KALRN: variants seen among roughly 807,000 people sequenced by gnomAD.
KALRN encodes the protein kalirin.
In KALRN, 70 loss-of-function variants were observed where a neutral mutation model predicts 353.7. The observed-to-expected ratio is 0.20, with a 90% CI of 0.16 to 0.24. KALRN has a LOEUF of 0.24. KALRN is among the 10% of genes least tolerant of loss of function. The probability of loss-of-function intolerance (pLI) is 1.00; values close to 1 mark genes in which losing one functional copy is unlikely to be tolerated. For synonymous variants in KALRN, 1,391 were observed against 1,434.8 expected (o/e 0.97, Z 0.69); for missense variants, 2,791 against 3,756.7 (o/e 0.74, Z 6.72).
intron 25 of KALRN, among the ~76,000 whole-genome samples, chr3:124,469,092 G>A (rs985147801): frequency 3.3e-5 from 5 of 152,202 alleles, no homozygotes; most frequent in Non-Finnish European, 7.3e-5. Context: ...TTAATCTTTT[G>A]TATTTTATTT....
At chr3:124,094,712 C>A in intron 1 of KALRN, 1 of 771,622 alleles carries the variant, frequency 1.3e-6, no homozygotes, top group Non-Finnish European at 2.3e-6. Flanking sequence ...TCTTTGCAGG[C>A]AGGCATTTGC....
intron 33 of KALRN, among the ~76,000 whole-genome samples, chr3:124,547,172 T>C (rs2069781557): frequency 1.3e-5 from 2 of 152,156 alleles, no homozygotes; most frequent in Admixed American, 1.3e-4. Context: ...TTTTATTTAT[T>C]TATTTTTATA....
At chr3:124,324,520 C>T (rs1245648712) in intron 6 of KALRN, among the ~76,000 whole-genome samples, 1 of 152,184 alleles carries the variant, frequency 6.6e-6, no homozygotes, top group Non-Finnish European at 1.5e-5. Flanking sequence ...TAACAAGAAT[C>T]AGTAATGTCC....
At chr3:124,639,383 A>G (rs2081752996) in intron 37 of KALRN, among the ~76,000 whole-genome samples, 1 of 152,106 alleles carries the variant, frequency 6.6e-6, no homozygotes, top group Non-Finnish European at 1.5e-5. Flanking sequence ...TAATGATTTC[A>G]TTTGCGTTTT....
chr3:124,334,432 G>A lies in KALRN; in HGVS notation c.1584G>A (p.Gln528=), dbSNP rs1183403028. 6.2e-7 allele frequency: 1 copy of A among 1,614,148 alleles called. No individual in the cohort carries two copies. The highest frequency in any genetic ancestry group is 8.5e-7 in the Non-Finnish European group (1 of 1,180,004). ...HHQRRLESIW[Q]HRKVRLHQRL... ...AGCGACGGCTGGAGAGCATCTGGCA[G>A]CACCGCAAGGTGCGGCTCCACCAGC... is the stretch of plus-strand genomic sequence containing the variant. Residue 528 remains glutamine (Q), a synonymous_variant, in exon 9 of 60, where the codon CAG becomes CAA. Transcript: ENST00000682506. This position sits in a 1 kb window ranked among gnomAD's most constrained non-coding sequence, Gnocchi z 4.2.
chr3:124,109,806 C>CAT (rs1202300993), intron 1 of KALRN, among the ~76,000 whole-genome samples: 1 of 10,366 alleles, frequency 9.6e-5, no homozygotes, highest in East Asian at 1.2e-3. Flanking sequence ...ATATATATGA[C>CAT]ATATATATCA....
At chr3:124,083,440 C>A (rs943100893) in intron 1 of KALRN, among the ~76,000 whole-genome samples, 1 of 152,042 alleles carries the variant, frequency 6.6e-6, no homozygotes, top group African/African-American at 2.4e-5. Flanking sequence ...AAACAGTGTT[C>A]CAAGCCTAGG....
intron 1 of KALRN, among the ~76,000 whole-genome samples, chr3:124,174,356 C>T (rs1444661325): frequency 6.6e-6 from 1 of 152,098 alleles, no homozygotes; most frequent in African/African-American, 2.4e-5. Flanking sequence ...ATCTCTTGAA[C>T]CCGGGAGGCA....
intron 1 of KALRN, among the ~76,000 whole-genome samples, chr3:124,054,124 AC>A (rs1026972648): frequency 1.3e-5 from 2 of 152,188 alleles, no homozygotes; most frequent in East Asian, 3.9e-4. Context: ...CAACAGGAAA[AC>A]CCTAGGCTGG....
intron 8 of KALRN, among the ~76,000 whole-genome samples, chr3:124,331,623 C>G (rs186750014): frequency 5.4e-5 from 7 of 130,014 alleles, no homozygotes; most frequent in African/African-American, 2.0e-4. Flanking sequence ...CCATATGGCT[C>G]AAAGCTTTCT....
chr3:124,391,385 G>A (rs553083865), intron 11 of KALRN, among the ~76,000 whole-genome samples: 24 of 152,260 alleles, frequency 1.6e-4, no homozygotes, highest in African/African-American at 2.6e-4. Context: ...AAAAACACGC[G>A]TGGTTGCTGC....
chr3:124,298,978 G>C (rs2077057462), intron 6 of KALRN, 65 bp downstream of exon 6: 1 of 1,601,162 alleles, frequency 6.2e-7, no homozygotes, highest in South Asian at 1.1e-5. Context: ...AGTGGGAGGA[G>C]GGACAGAAAC....
Position 124,711,198 on chromosome 3 carries a change from T to A in KALRN, c.8076-1737T>A, listed in dbSNP as rs564151079. ...TAGTACATTATTTTTTTAAAAAAAA[T>A]TTTTAAAGCGAAAGGATCTCACTAT... On this transcript the variant is annotated intron_variant, in intron 57 of 59. Transcript: ENST00000682506. Among the ~76,000 whole-genome samples, 115 of 152,204 alleles carry A rather than the reference T, an allele frequency of 7.6e-4. No individual in the cohort carries two copies. The South Asian group carries it at 0.014, about 18-fold the overall frequency.
rs2086896822 is a variant in KALRN at position 124,674,348 on chromosome 3, C to G, written c.6943-16C>G. On this transcript the variant is annotated splice_polypyrimidine_tract_variant and intron_variant, in intron 48 of 59. Coordinates refer to ENST00000682506, the MANE Select transcript of KALRN (RefSeq NM_001388419.1). ...GTCCTTGTGTTTGTGCCCCTCTCAC[C>G]CTTATCTCCCAGCAGAACGACCTGG... 1 of 1,607,362 alleles carries G rather than the reference C, an allele frequency of 6.2e-7. No homozygotes were observed. The highest frequency in any genetic ancestry group is 8.5e-7 in the Non-Finnish European group (1 of 1,176,080).
intron 13 of KALRN, among the ~76,000 whole-genome samples, chr3:124,401,073 C>T (rs892499038): frequency 1.3e-5 from 2 of 152,102 alleles, no homozygotes; most frequent in Non-Finnish European, 2.9e-5. Flanking sequence ...TTACTAGCAT[C>T]GATTGTAGGC....
chr3:124,436,165 G>C (rs1046748155), intron 17 of KALRN, among the ~76,000 whole-genome samples: 1 of 152,158 alleles, frequency 6.6e-6, no homozygotes, highest in Non-Finnish European at 1.5e-5. Context: ...AACAAATGAG[G>C]CTTAATTCCT....
chr3:124,379,566 C>G (rs1302595811), intron 10 of KALRN, among the ~76,000 whole-genome samples: 2 of 152,184 alleles, frequency 1.3e-5, no homozygotes, highest in Non-Finnish European at 2.9e-5. Context: ...CTAGGCAGGA[C>G]CAGAGCAGTT....
chr3:124,316,548 C>T (rs539368618), intron 6 of KALRN, among the ~76,000 whole-genome samples: 13 of 152,338 alleles, frequency 8.5e-5, no homozygotes, highest in Middle Eastern at 3.4e-3. Context: ...TCCTGCCTCA[C>T]GGCCTTTGCC....
At chr3:124,062,480 C>T (rs1249175931) in intron 1 of KALRN, among the ~76,000 whole-genome samples, 2 of 152,182 alleles carry the variant, frequency 1.3e-5, no homozygotes, top group Non-Finnish European at 2.9e-5. Context: ...CAGACCCACT[C>T]GGGGACATTG....
Sources: allele counts gnomAD v4.1 joint callset (sites outside exome capture counted in the v4.1 genomes callset), GRCh38; gene constraint gnomAD v4.1.1; non-coding constraint Gnocchi (gnomAD v3.1); transcripts MANE v1.5; gene names NCBI Gene and HGNC (gene_info 2026-07-23, HGNC 2026-07-21).